BLVRA: variants seen among roughly 807,000 people sequenced by gnomAD.
BLVRA encodes the protein biliverdin reductase A.
In BLVRA, 22 loss-of-function variants were observed where a neutral mutation model predicts 32.8. The ratio of observed to expected loss-of-function variants is 0.67; its 90% confidence interval spans 0.48 to 0.96. The LOEUF is 0.96. BLVRA is among the 40% of genes least tolerant of loss of function. BLVRA has a pLI of 0.00. For synonymous variants in BLVRA, 119 were observed against 141.3 expected (o/e 0.84, Z 1.12); for missense variants, 323 against 358.1 (o/e 0.90, Z 0.79).
chr7:43,788,135 A>C, intron 3 of BLVRA, 110 bp downstream of exon 3: 1 of 1,561,538 alleles, frequency 6.4e-7, no homozygotes, highest in Non-Finnish European at 8.8e-7. Context: ...CCATCTCCCA[A>C]CTGAGAACTG....
Position 43,801,435 on chromosome 7 carries a change from G to T in BLVRA, c.460+863G>T, listed in dbSNP as rs532186061. Among the ~76,000 whole-genome samples, 23 of 152,280 alleles carry T rather than the reference G, an allele frequency of 1.5e-4. No individual in the cohort carries two copies. The East Asian group carries it at 4.4e-3, about 29-fold the overall frequency. On this transcript the variant is annotated intron_variant, in intron 6 of 7. Coordinates refer to ENST00000265523, the MANE Select transcript of BLVRA (RefSeq NM_000712.4). ...TTTTGGATGGGCTCCTTCTCTGGCC[G>T]TATCGTTGGGCACCTGGGCCACCAT...
At chr7:43,759,048 C>T (rs1207370558) in intron 1 of BLVRA, among the ~76,000 whole-genome samples, 1 of 152,260 alleles carries the variant, frequency 6.6e-6, no homozygotes, top group Non-Finnish European at 1.5e-5. Context: ...TATGTAGACC[C>T]AAGAGGGCAG....
intron 5 of BLVRA, among the ~76,000 whole-genome samples, chr7:43,796,121 C>CAAAAAAAAAAAAAAAAAGAAAAAAAAA (rs371922009): frequency 1.5e-5 from 1 of 66,696 alleles, no homozygotes; most frequent in Non-Finnish European, 3.0e-5. Flanking sequence ...CTCTGTCTCA[C>CAAAAAAAAAAAAAAAAAGAAAAAAAAA]AAAAAAAAAA....
At chr7:43,786,610 C>T (rs538304086) in intron 2 of BLVRA, among the ~76,000 whole-genome samples, 13 of 152,182 alleles carry the variant, frequency 8.5e-5, no homozygotes, top group Non-Finnish European at 1.8e-4. Flanking sequence ...GAACATTAAC[C>T]AAGGTAGACC....
intron 2 of BLVRA, among the ~76,000 whole-genome samples, chr7:43,776,612 T>C (rs1010905007): frequency 1.3e-5 from 2 of 152,238 alleles, no homozygotes; most frequent in Admixed American, 6.5e-5. Flanking sequence ...AAAAAATGTA[T>C]ATTCTGTTGA....
rs370529189 is a variant in BLVRA, at chr7:43,807,221, T to C, written c.877T>C (p.Cys293Arg). ...TGCAGAAGAAATCCAGAAATATTGCTGTTCAAGGAAGTAAGAGGAGGAGGT... is the reference window on the plus strand; with the variant it reads ...TGCAGAAGAAATCCAGAAATATTGCCGTTCAAGGAAGTAAGAGGAGGAGGT... ...GLAEEIQKYC[C>R]SRK The change falls in exon 8 of 8, where the codon TGT (cysteine) becomes CGT (arginine). Residue 293 changes from cysteine (C) to arginine (R), a missense_variant. Transcript: ENST00000265523. The C allele has an allele frequency of 6.2e-7, 1 of 1,606,484 alleles. No homozygotes were observed. The highest frequency in any genetic ancestry group is 1.3e-5 in the African/African-American group (1 of 74,926).
intron 4 of BLVRA, 29 bp from the exon 5 acceptor site, chr7:43,792,686 T>C (rs755074436): frequency 3.2e-5 from 50 of 1,585,666 alleles, no homozygotes; most frequent in Non-Finnish European, 3.9e-5. Flanking sequence ...CGAAGTGTTC[T>C]TTCTCTGTAT....
At chr7:43,777,235 C>T (rs1387170848) in intron 2 of BLVRA, among the ~76,000 whole-genome samples, 213 of 136,740 alleles carry the variant, frequency 1.6e-3, no homozygotes, top group Middle Eastern at 3.6e-3. Flanking sequence ...TTCTTCCTAG[C>T]CTTGATGGTC....
chr7:43,778,953 C>G (rs1342177923), intron 2 of BLVRA, among the ~76,000 whole-genome samples: 1 of 151,942 alleles, frequency 6.6e-6, no homozygotes, highest in South Asian at 2.1e-4. Context: ...TAGGACCCGC[C>G]GAGCCATGTG....
rs1563539612 is a variant in BLVRA at position 43,776,265 on chromosome 7, T to C, written c.12+5095T>C. 4.6e-5 allele frequency among the ~76,000 whole-genome samples: 7 copies of C among 152,352 alleles called. No individual in the cohort carries two copies. In the South Asian group the frequency reaches 6.2e-4, roughly 14 times the overall value. On this transcript the variant is annotated intron_variant, in intron 2 of 7. Coordinates refer to ENST00000265523, the MANE Select transcript of BLVRA (RefSeq NM_000712.4). ...TCAATTTTAGATCTTTCCTGCTTTCTCTTGTGGGCATTTAGTGCTATAAAT... is the reference window on the plus strand; with the variant it reads ...TCAATTTTAGATCTTTCCTGCTTTCCCTTGTGGGCATTTAGTGCTATAAAT...
intron 1 of BLVRA, chr7:43,767,472 C>T: frequency 2.2e-6 from 3 of 1,384,976 alleles, no homozygotes; most frequent in Non-Finnish European, 3.1e-6. Flanking sequence ...CTTGGGATAT[C>T]CAATAAGGAC....
At chr7:43,770,069 T>A (rs1432770556) in intron 1 of BLVRA, among the ~76,000 whole-genome samples, 7 of 151,980 alleles carry the variant, frequency 4.6e-5, no homozygotes, top group Non-Finnish European at 8.8e-5. Context: ...CCAAAGAGAA[T>A]GAGATCAAAT....
chr7:43,795,872 A>G (rs1182152569), intron 5 of BLVRA, among the ~76,000 whole-genome samples: 2 of 152,052 alleles, frequency 1.3e-5, no homozygotes. Context: ...TTGGGAGGCC[A>G]AGGAGGACAG....
Position 43,807,148 on chromosome 7 carries a change from G to A in BLVRA, c.804G>A (p.Glu268=). 7 of 1,613,984 alleles carry A rather than the reference G, an allele frequency of 4.3e-6. No individual in the cohort carries two copies. The highest frequency in any genetic ancestry group is 5.9e-6 in the Non-Finnish European group (7 of 1,180,006). Residue 268 remains glutamate (E), a synonymous_variant, in exon 8 of 8, where the codon GAG becomes GAA. Coordinates refer to ENST00000265523, the MANE Select transcript of BLVRA (RefSeq NM_000712.4). ...FVQKLLGQFS[E]KELAAEKKRI... ...AGAAACTCTTGGGCCAGTTCTCTGAGAAGGAACTGGCTGCTGAAAAGAAAC... is the reference window on the plus strand; with the variant it reads ...AGAAACTCTTGGGCCAGTTCTCTGAAAAGGAACTGGCTGCTGAAAAGAAAC...
At chr7:43,758,226 G>A (rs1000973455), upstream of BLVRA, among the ~76,000 whole-genome samples, 2 of 152,180 alleles carry the variant, frequency 1.3e-5, no homozygotes, top group African/African-American at 2.4e-5. Context: ...GGTAAGCCTC[G>A]GCGCCAGTTC....
rs377125924 is a variant in BLVRA at position 43,775,883 on chromosome 7, T to C, written c.12+4713T>C. 5.9e-5 allele frequency among the ~76,000 whole-genome samples: 9 copies of C among 152,196 alleles called. No individual in the cohort carries two copies. In the East Asian group the frequency reaches 1.4e-3, roughly 23 times the overall value. On this transcript the variant is annotated intron_variant, in intron 2 of 7. Coordinates refer to ENST00000265523, the MANE Select transcript of BLVRA (RefSeq NM_000712.4). ...TTTAGTCTTGGGAGGGTGTATGTGTTGAGGAATTTATCCATTTCTTCTAGA... is the reference window on the plus strand; with the variant it reads ...TTTAGTCTTGGGAGGGTGTATGTGTCGAGGAATTTATCCATTTCTTCTAGA...
intron 2 of BLVRA, among the ~76,000 whole-genome samples, chr7:43,785,419 T>G (rs560807048): frequency 7.4e-4 from 112 of 152,174 alleles, no homozygotes; most frequent in African/African-American, 2.6e-3. Context: ...TTGGGCACTG[T>G]GGCCACTCCT....
intron 7 of BLVRA, among the ~76,000 whole-genome samples, chr7:43,804,849 G>A (rs1444471206): frequency 1.3e-5 from 2 of 152,182 alleles, no homozygotes; most frequent in African/African-American, 2.4e-5. Flanking sequence ...GGGTCTCCTG[G>A]TAGTAAAAGA....
At chr7:43,797,554 C>G (rs2095794177) in intron 5 of BLVRA, among the ~76,000 whole-genome samples, 1 of 152,170 alleles carries the variant, frequency 6.6e-6, no homozygotes, top group African/African-American at 2.4e-5. Context: ...TTGTGGTGGT[C>G]TGGAATGAAA....
Sources: gnomAD v4.1 joint callset for allele counts (sites outside exome capture counted in the v4.1 genomes callset) on GRCh38, gnomAD v4.1.1 for gene constraint, MANE v1.5 for transcripts, NCBI Gene and HGNC (gene_info 2026-07-23, HGNC 2026-07-21) for gene names.